The following FDFT1 variants were observed in gnomAD, a reference collection of about 807,000 sequenced individuals.
The protein encoded by FDFT1 is squalene synthase.
Under a neutral mutation model 46.8 loss-of-function variants are expected in FDFT1, and 68 were observed. That is an observed-to-expected ratio of 1.45 (90% CI 1.19 to 1.78). The LOEUF (loss-of-function observed/expected upper bound fraction) is 1.78. FDFT1 is among the 40% of genes most tolerant of loss of function. The pLI is 0.00. For synonymous variants in FDFT1, 351 were observed against 185.1 expected, an observed-to-expected ratio of 1.90 and a Z score of -7.28; for missense variants, 928 against 524.4, an observed-to-expected ratio of 1.77 and a Z score of -7.52.
At chr8:11,797,747 A>C (rs987038521), upstream of FDFT1, among the ~76,000 whole-genome samples, 29 of 151,982 alleles carry the variant, frequency 1.9e-4, no homozygotes, top group African/African-American at 6.8e-4. Flanking sequence ...AGCAGATTCC[A>C]CCTGAGCTGT....
chr8:11,802,794 G>A lies in FDFT1; in HGVS notation c.-39G>A, dbSNP rs748377449. The A allele has an allele frequency of 6.6e-7, 1 of 1,524,224 alleles. No individual in the cohort carries two copies. Among genetic ancestry groups the A allele is most frequent in the Non-Finnish European group, 9.0e-7 (1 of 1,109,960 alleles). The allele number at this position is 1,524,224 out of a possible 1,614,324, so 94.4% of individuals were successfully genotyped here. A position where few individuals can be genotyped will look rare whatever the true frequency, so the allele number is the denominator to read the frequency against. On this transcript the variant is annotated 5_prime_UTR_variant, in exon 1 of 8. Coordinates refer to ENST00000220584, the MANE Select transcript of FDFT1 (RefSeq NM_004462.5). ...CCGGTGAGCGCCTGGGGACCGCAGAGGTGAGAGTCGCGCCCGGGAGTCCGC... is the reference window on the plus strand; with the variant it reads ...CCGGTGAGCGCCTGGGGACCGCAGAAGTGAGAGTCGCGCCCGGGAGTCCGC...
chr8:11,830,924 G>C (rs1253445964), intron 6 of FDFT1, among the ~76,000 whole-genome samples: 2 of 152,208 alleles, frequency 1.3e-5, no homozygotes, highest in Non-Finnish European at 2.9e-5. Flanking sequence ...AGTGAAGAAA[G>C]TAACAGCATT....
intron 1 of FDFT1, among the ~76,000 whole-genome samples, chr8:11,804,344 G>A (rs1806529549): frequency 6.6e-6 from 1 of 152,160 alleles, no homozygotes; most frequent in African/African-American, 2.4e-5. Flanking sequence ...TGTTGGGAGG[G>A]AAAGTGGGTG....
At chr8:11,804,545 G>C (rs957682092) in intron 1 of FDFT1, among the ~76,000 whole-genome samples, 1 of 151,572 alleles carries the variant, frequency 6.6e-6, no homozygotes, top group Non-Finnish European at 1.5e-5. Flanking sequence ...CCTTTAATTA[G>C]GGGAAATAAA....
intron 3 of FDFT1, among the ~76,000 whole-genome samples, chr8:11,812,462 T>G (rs1339053176): frequency 6.6e-6 from 1 of 152,098 alleles, no homozygotes; most frequent in East Asian, 1.9e-4. Context: ...AGAGCGGGAT[T>G]CAGGAAGCAG....
chr8:11,795,773 C>T (rs7824481), exon 1 of FDFT1: 4,068 of 152,430 alleles, frequency 0.027, 95 homozygotes, highest in Admixed American at 0.06. Flanking sequence ...GACGCGCCGA[C>T]TTAAGAGCTG....
chr8:11,804,795 G>C (rs927572819), intron 1 of FDFT1, among the ~76,000 whole-genome samples: 4 of 151,664 alleles, frequency 2.6e-5, no homozygotes, highest in African/African-American at 9.7e-5. Flanking sequence ...TTTTAGTAGA[G>C]ACGGGGTTTC....
intron 3 of FDFT1, among the ~76,000 whole-genome samples, chr8:11,815,669 C>T (rs981679723): frequency 6.6e-6 from 1 of 152,146 alleles, no homozygotes; most frequent in Non-Finnish European, 1.5e-5. Context: ...TAAATGTCTT[C>T]CTTTGAGAAG....
Position 11,809,760 on chromosome 8 carries a change from AC to A in FDFT1, c.292del (p.His98ThrfsTer45), listed in dbSNP as rs1384351788. Reference sequence around the variant, plus strand: ...GTGTGGAAAAGAAGGTCCCGCTGTTACACAACTTTCACTCTTTCCTTTACCA... The same window carrying A: ...GTGTGGAAAAGAAGGTCCCGCTGTTAACAACTTTCACTCTTTCCTTTACCA... ...ISVEKKVPLL[H>X]NFHSFLYQPD... On this transcript the variant is annotated frameshift_variant, in exon 3 of 8. Transcript: ENST00000220584. LOFTEE classifies it high-confidence loss of function. 2 of 1,614,092 alleles carry A rather than the reference AC, an allele frequency of 1.2e-6. No individual in the cohort carries two copies. The highest frequency in any genetic ancestry group is 1.1e-5 in the South Asian group (1 of 91,086).
At chr8:11,830,845 C>CT (rs1810676325) in intron 6 of FDFT1, among the ~76,000 whole-genome samples, 1 of 152,196 alleles carries the variant, frequency 6.6e-6, no homozygotes, top group Non-Finnish European at 1.5e-5. Flanking sequence ...TAGACCTAGC[C>CT]TCTCAGTATG....
intron 4 of FDFT1, among the ~76,000 whole-genome samples, chr8:11,825,623 C>T (rs564430302): frequency 1.4e-4 from 20 of 147,854 alleles, no homozygotes; most frequent in African/African-American, 3.0e-4. Context: ...GAAGCTGAGG[C>T]AGAAAGATTG....
chr8:11,826,253 A>G (rs748990129), intron 5 of FDFT1, 38 bp downstream of exon 5: 54 of 1,409,224 alleles, frequency 3.8e-5, no homozygotes, highest in Non-Finnish European at 5.1e-5. Context: ...AAATAACTTT[A>G]GACATTCTCT....
At chr8:11,817,502 T>A (rs139736418) in intron 3 of FDFT1, among the ~76,000 whole-genome samples, 141 of 152,294 alleles carry the variant, frequency 9.3e-4, no homozygotes, top group Non-Finnish European at 1.8e-3. Context: ...TCCTGGACTT[T>A]CTTTGGTTGG....
chr8:11,809,151 G>C, intron 2 of FDFT1: 1 of 1,300,490 alleles, frequency 7.7e-7, no homozygotes, highest in East Asian at 3.3e-5. Flanking sequence ...AGTCTTGGCA[G>C]CTGAACCTGC....
At chr8:11,808,365 C>T (rs1807166508) in intron 1 of FDFT1, 7 of 1,192,322 alleles carry the variant, frequency 5.9e-6, no homozygotes, top group South Asian at 4.3e-5. Context: ...AGCGGGAGGC[C>T]GGGGGCGGGG....
At chr8:11,804,935 G>GA (rs397940255) in intron 1 of FDFT1, among the ~76,000 whole-genome samples, 31 of 144,434 alleles carry the variant, frequency 2.1e-4, no homozygotes, top group African/African-American at 8.0e-4. Context: ...TGAGGGGGGG[G>GA]TCTCACTCCA....
At chr8:11,802,549 T>C (rs750930727), upstream of FDFT1, 522 of 582,938 alleles carry the variant, frequency 9.0e-4, 1 homozygote, top group Admixed American at 1.6e-3. Context: ...TAGAGTGTTA[T>C]CACGCCAGTC....
At chr8:11,822,000 C>T (rs1809320008) in intron 4 of FDFT1, 122 bp downstream of exon 4, 1 of 1,170,006 alleles carries the variant, frequency 8.5e-7, no homozygotes, top group Admixed American at 2.2e-5. Context: ...TACAATTCAT[C>T]TGTTTAGGTT....
At chr8:11,830,521 A>G (rs1810632483) in intron 6 of FDFT1, 101 bp downstream of exon 6, 1 of 836,474 alleles carries the variant, frequency 1.2e-6, no homozygotes, top group Admixed American at 2.4e-5. Context: ...TGATTCCTTA[A>G]AAAGACGATG....
Sources: gnomAD v4.1 joint callset for allele counts (sites outside exome capture counted in the v4.1 genomes callset) on GRCh38, gnomAD v4.1.1 for gene constraint, MANE v1.5 for transcripts, NCBI Gene and HGNC (gene_info 2026-07-23, HGNC 2026-07-21) for gene names.